SLC24A3: variants seen among roughly 807,000 people sequenced by gnomAD.
The protein encoded by SLC24A3 is solute carrier family 24 member 3.
In SLC24A3, 28 loss-of-function variants were observed where a neutral mutation model predicts 75.8. The observed-to-expected ratio is 0.37, with a 90% CI of 0.27 to 0.51. The LOEUF is 0.51. Among genes scored for constraint, SLC24A3 ranks in the 20% least tolerant of loss-of-function variants. The pLI, the probability that SLC24A3 is intolerant of heterozygous loss-of-function variation, is 0.94. For synonymous variants in SLC24A3, 372 were observed against 334.1 expected (o/e 1.11, Z -1.24); for missense variants, 663 against 847.8 (o/e 0.78, Z 2.71).
At chr20:19,524,316 G>A (rs924175383) in intron 3 of SLC24A3, among the ~76,000 whole-genome samples, 6 of 152,138 alleles carry the variant, frequency 3.9e-5, no homozygotes, top group East Asian at 1.9e-4. Context: ...ACTTCAGGAC[G>A]TACAGAATCC....
intron 6 of SLC24A3, among the ~76,000 whole-genome samples, chr20:19,623,938 G>A (rs549730431): frequency 1.5e-4 from 23 of 152,246 alleles, no homozygotes; most frequent in African/African-American, 4.6e-4. Flanking sequence ...GAAGAAGAGG[G>A]GGAATTGAAG....
chr20:19,470,336 T>C (rs1987848623), intron 2 of SLC24A3, among the ~76,000 whole-genome samples: 1 of 152,188 alleles, frequency 6.6e-6, no homozygotes, highest in Non-Finnish European at 1.5e-5. Flanking sequence ...AGGGCTGTTA[T>C]CTCAGCAACT....
chr20:19,477,876 G>T (rs1987987913), intron 2 of SLC24A3, among the ~76,000 whole-genome samples: 1 of 152,134 alleles, frequency 6.6e-6, no homozygotes, highest in Non-Finnish European at 1.5e-5. Flanking sequence ...GGCTACTATT[G>T]GGTTTTGCAG....
chr20:19,393,038 A>C (rs1283305740), intron 2 of SLC24A3, among the ~76,000 whole-genome samples: 1 of 152,164 alleles, frequency 6.6e-6, no homozygotes, highest in African/African-American at 2.4e-5. Context: ...CAGAGAGTAC[A>C]TTTTTCAGTG....
chr20:19,214,643 G>T (rs1264103581), intron 1 of SLC24A3, among the ~76,000 whole-genome samples: 1 of 152,062 alleles, frequency 6.6e-6, no homozygotes, highest in African/African-American at 2.4e-5. Context: ...GTGACAGGGG[G>T]CTGCCTGGGC....
chr20:19,462,136 T>G (rs543977461), intron 2 of SLC24A3, among the ~76,000 whole-genome samples: 1 of 152,298 alleles, frequency 6.6e-6, no homozygotes, highest in Admixed American at 6.5e-5. Context: ...TCTTAAATCT[T>G]AACCATTAAA....
intron 2 of SLC24A3, among the ~76,000 whole-genome samples, chr20:19,453,915 A>C (rs1376049834): frequency 2.0e-5 from 3 of 152,236 alleles, no homozygotes; most frequent in Admixed American, 6.5e-5. Context: ...AAAAAGACTG[A>C]AAATACACGC....
intron 1 of SLC24A3, among the ~76,000 whole-genome samples, chr20:19,223,677 C>T (rs529494628): frequency 5.3e-5 from 8 of 151,866 alleles, no homozygotes; most frequent in African/African-American, 7.2e-5. Flanking sequence ...GTGGTCGCTC[C>T]TTCTCTCTCA....
intron 2 of SLC24A3, among the ~76,000 whole-genome samples, chr20:19,402,154 A>C (rs1035231156): frequency 6.6e-6 from 1 of 152,346 alleles, no homozygotes; most frequent in Non-Finnish European, 1.5e-5. Flanking sequence ...GGAAAGAAAG[A>C]ATTACTGCTC....
chr20:19,686,890 G>A lies in SLC24A3; in HGVS notation c.1324+1529G>A, dbSNP rs143234730. Among the ~76,000 whole-genome samples, 29 of 152,242 alleles carry A rather than the reference G, an allele frequency of 1.9e-4. No individual in the cohort carries two copies. The East Asian group carries it at 4.1e-3, about 21-fold the overall frequency. ...ATCTTCATAGAAAAAATGTACACTC[G>A]TTCTTTATCCATTTTGCCACCATCA... On this transcript the variant is annotated intron_variant, in intron 12 of 16. Coordinates refer to ENST00000328041, the MANE Select transcript of SLC24A3 (RefSeq NM_020689.4).
At chr20:19,461,529 C>CTTTTTT (rs11468628) in intron 2 of SLC24A3, among the ~76,000 whole-genome samples, 34 of 101,382 alleles carry the variant, frequency 3.4e-4, no homozygotes, top group Admixed American at 5.0e-4. Flanking sequence ...TCTTTTTTTT[C>CTTTTTT]TTTTTTTTTT....
At position 19,688,003 on chromosome 20, in the gene SLC24A3, G is replaced by A. The variant is rs145015060; in HGVS notation, c.1324+2642G>A. ...CATCCCCTCCTGTGTCCTTCCTGAA[G>A]CACAGACAGGAGAGAAGAGACGATA... On this transcript the variant is annotated intron_variant, in intron 12 of 16. Transcript: ENST00000328041. 6.2e-3 allele frequency among the ~76,000 whole-genome samples: 947 copies of A among 152,258 alleles called. 5 individuals are homozygous for A. Among genetic ancestry groups the A allele is most frequent in the Non-Finnish European group, 9.2e-3 (629 of 68,012 alleles).
chr20:19,441,918 C>T (rs912657432), intron 2 of SLC24A3, among the ~76,000 whole-genome samples: 5 of 152,014 alleles, frequency 3.3e-5, no homozygotes, highest in Non-Finnish European at 5.9e-5. Flanking sequence ...TTTTATGTGA[C>T]ATTTCTTCCA....
chr20:19,387,643 T>C (rs1325002672), intron 2 of SLC24A3, among the ~76,000 whole-genome samples: 1 of 152,208 alleles, frequency 6.6e-6, no homozygotes, highest in Non-Finnish European at 1.5e-5. Context: ...TTTTTCCTGT[T>C]TTTGAATTTC....
chr20:19,255,134 C>A (rs1050392954), intron 1 of SLC24A3, among the ~76,000 whole-genome samples: 1 of 152,204 alleles, frequency 6.6e-6, no homozygotes, highest in Non-Finnish European at 1.5e-5. Flanking sequence ...ACCCAACAGA[C>A]CTCATCTACC....
At chr20:19,655,902 C>T (rs2032260186) in intron 7 of SLC24A3, among the ~76,000 whole-genome samples, 1 of 152,068 alleles carries the variant, frequency 6.6e-6, no homozygotes, top group South Asian at 2.1e-4. Context: ...AGCAAATCTT[C>T]ATTTTATATA....
At position 19,640,993 on chromosome 20, in the gene SLC24A3, A is replaced by G. The variant is rs78045823; in HGVS notation, c.613-13069A>G. Among the ~76,000 whole-genome samples, 337 of 152,352 alleles carry G rather than the reference A, an allele frequency of 2.2e-3. 6 individuals carry two copies. The East Asian group carries it at 0.056, about 25-fold the overall frequency. On this transcript the variant is annotated intron_variant, in intron 6 of 16. Transcript: ENST00000328041. ...GTGTTTGCTTCATTTGAAGGAAAAC[A>G]TATTTAAATTTTCTTGCCAGTACTT...
intron 2 of SLC24A3, among the ~76,000 whole-genome samples, chr20:19,325,928 T>TTTATACAATA (rs1984850278): frequency 6.6e-6 from 1 of 151,308 alleles, no homozygotes; most frequent in Admixed American, 6.6e-5. Context: ...TGAGGGTAAT[T>TTTATACAATA]TTATACAATA....
intron 2 of SLC24A3, among the ~76,000 whole-genome samples, chr20:19,512,092 T>A (rs1467836306): frequency 6.6e-6 from 1 of 152,124 alleles, no homozygotes; most frequent in Non-Finnish European, 1.5e-5. Context: ...CATTGCCCCA[T>A]GGAGAATTTT....
Sources: gnomAD v4.1 joint callset for allele counts (sites outside exome capture counted in the v4.1 genomes callset) on GRCh38, gnomAD v4.1.1 for gene constraint, MANE v1.5 for transcripts, NCBI Gene and HGNC (gene_info 2026-07-23, HGNC 2026-07-21) for gene names.